SOX5: variants seen among roughly 807,000 people sequenced by gnomAD.
The protein encoded by SOX5 is SRY-box transcription factor 5.
In SOX5, 9 loss-of-function variants were observed where a neutral mutation model predicts 92.0. That is an observed-to-expected ratio of 0.10 (90% confidence interval 0.06 to 0.17). The LOEUF (loss-of-function observed/expected upper bound fraction) is 0.17, where lower values mean the gene tolerates loss of function less well. Among genes scored for constraint, SOX5 ranks in the 10% least tolerant of loss-of-function variants. SOX5 has a pLI of 1.00. For missense variants in SOX5, 642 were observed against 944.5 expected (o/e 0.68, Z 4.20); for synonymous variants, 344 against 336.3 (o/e 1.02, Z -0.25).
chr12:24,127,048 C>T (rs1379262117), intron 4 of SOX5, among the ~76,000 whole-genome samples: 1 of 151,820 alleles, frequency 6.6e-6, no homozygotes, highest in Non-Finnish European at 1.5e-5. Flanking sequence ...CATAAGATTG[C>T]ACATTATAAA....
chr12:23,566,251 C>G (rs1372069381), intron 10 of SOX5, among the ~76,000 whole-genome samples: 1 of 152,128 alleles, frequency 6.6e-6, no homozygotes, highest in African/African-American at 2.4e-5. Context: ...TTGTTTTGCC[C>G]TCTCTTTCCA....
chr12:24,530,500 A>C (rs184436452), intron 1 of SOX5, among the ~76,000 whole-genome samples: 6 of 152,246 alleles, frequency 3.9e-5, no homozygotes, highest in Admixed American at 3.9e-4. Flanking sequence ...AACATACAAA[A>C]AATTTAGCCA....
chr12:24,330,712 A>G (rs1464880604), intron 2 of SOX5, among the ~76,000 whole-genome samples: 1 of 152,268 alleles, frequency 6.6e-6, no homozygotes, highest in South Asian at 2.1e-4. Flanking sequence ...CATGACAAGC[A>G]TATGTTTTGA....
chr12:23,701,939 G>A (rs1406055262), intron 6 of SOX5, among the ~76,000 whole-genome samples: 2 of 152,044 alleles, frequency 1.3e-5, no homozygotes, highest in Admixed American at 6.6e-5. Context: ...ACTAGAAGTT[G>A]TTATTTGGCA....
chr12:23,685,913 CAGCTGCAGTA>C (rs1458669741), intron 6 of SOX5, among the ~76,000 whole-genome samples: 1 of 152,138 alleles, frequency 6.6e-6, no homozygotes, highest in African/African-American at 2.4e-5. Flanking sequence ...TATTGACTAT[CAGCTGCAGTA>C]ATGCACGAGC....
intron 2 of SOX5, among the ~76,000 whole-genome samples, chr12:24,322,498 C>A (rs919330825): frequency 1.3e-5 from 2 of 152,140 alleles, no homozygotes; most frequent in African/African-American, 4.8e-5. Context: ...TGTGTGTATG[C>A]ACACGTAAGT....
At chr12:23,859,267 C>T (rs2096727947) in intron 2 of SOX5, among the ~76,000 whole-genome samples, 1 of 152,128 alleles carries the variant, frequency 6.6e-6, no homozygotes, top group African/African-American at 2.4e-5. Flanking sequence ...TCACTGAATT[C>T]TTTTTCCAGC....
chr12:24,326,632 T>C (rs1950715069), intron 2 of SOX5, among the ~76,000 whole-genome samples: 1 of 152,172 alleles, frequency 6.6e-6, no homozygotes, highest in South Asian at 2.1e-4. Flanking sequence ...GACCTCTACC[T>C]TGAATGTTCA....
intron 4 of SOX5, among the ~76,000 whole-genome samples, chr12:24,159,659 G>C (rs1003606177): frequency 2.6e-5 from 4 of 151,954 alleles, no homozygotes; most frequent in Admixed American, 6.6e-5. Flanking sequence ...GATAGCATAT[G>C]ATAAAACAAA....
chr12:23,814,169 T>C (rs1227882476), intron 3 of SOX5, among the ~76,000 whole-genome samples: 1 of 152,188 alleles, frequency 6.6e-6, no homozygotes, highest in Admixed American at 6.6e-5. Context: ...CTAGAAGTAG[T>C]ATCAATAATG....
At position 24,532,093 on chromosome 12, in the gene SOX5, C is replaced by T. The variant is rs1325494152; in HGVS notation, c.-251+30236G>A. Among the ~76,000 whole-genome samples the T allele has an allele frequency of 2.0e-5, 3 of 152,078 alleles. No homozygotes were observed. In the East Asian group the frequency reaches 5.8e-4, roughly 29 times the overall value. ...AAAATACAGCTTGTTAAAACAGGAG[C>T]CGGGGAGGTCTTTTTCTTCCCTGCA... On this transcript the variant is annotated intron_variant, in intron 1 of 4. Transcript: ENST00000446891.
intron 3 of SOX5, among the ~76,000 whole-genome samples, chr12:23,835,878 C>G (rs2096406652): frequency 6.6e-6 from 1 of 151,548 alleles, no homozygotes; most frequent in Non-Finnish European, 1.5e-5. Flanking sequence ...TTATCAGTTG[C>G]CTCATCTGGA....
chr12:24,297,370 A>G (rs944340675), intron 2 of SOX5, among the ~76,000 whole-genome samples: 1 of 152,168 alleles, frequency 6.6e-6, no homozygotes, highest in African/African-American at 2.4e-5. Context: ...TTTCTTTCCA[A>G]TAAAACAAAC....
chr12:23,709,400 C>A (rs1444732651), intron 6 of SOX5, among the ~76,000 whole-genome samples: 1 of 152,138 alleles, frequency 6.6e-6, no homozygotes, highest in Non-Finnish European at 1.5e-5. Flanking sequence ...CTACAATGCC[C>A]AGACAAGGGC....
intron 1 of SOX5, among the ~76,000 whole-genome samples, chr12:24,376,634 A>C (rs906714434): frequency 3.4e-5 from 5 of 148,516 alleles, no homozygotes; most frequent in Non-Finnish European, 4.4e-5. Context: ...CAATGTGCTA[A>C]GCATTGTCAT....
intron 8 of SOX5, among the ~76,000 whole-genome samples, chr12:23,623,842 G>A (rs2077453470): frequency 6.6e-6 from 1 of 151,978 alleles, no homozygotes; most frequent in African/African-American, 2.4e-5. Flanking sequence ...GGTATATACC[G>A]AAAATGGACT....
At chr12:23,990,064 A>AG (rs1332746530) in intron 4 of SOX5, among the ~76,000 whole-genome samples, 2 of 152,098 alleles carry the variant, frequency 1.3e-5, no homozygotes, top group East Asian at 3.9e-4. Context: ...AGAAGGAGAG[A>AG]GAAAAAAAGG....
At chr12:24,057,573 T>C (rs569740166) in intron 4 of SOX5, among the ~76,000 whole-genome samples, 9 of 152,202 alleles carry the variant, frequency 5.9e-5, no homozygotes, top group Non-Finnish European at 1.0e-4. Context: ...CTCAGGTATG[T>C]TTTTATTAGT....
At chr12:23,844,402 T>C (rs929352699) in intron 3 of SOX5, among the ~76,000 whole-genome samples, 6 of 152,128 alleles carry the variant, frequency 3.9e-5, no homozygotes, top group Admixed American at 1.3e-4. Flanking sequence ...GCAGAATATA[T>C]GAAAATAAAC....
Sources: allele counts gnomAD v4.1 joint callset (sites outside exome capture counted in the v4.1 genomes callset), GRCh38; gene constraint gnomAD v4.1.1; transcripts MANE v1.5; gene names NCBI Gene and HGNC (gene_info 2026-07-23, HGNC 2026-07-21).